E2F5: variants seen among roughly 807,000 people sequenced by gnomAD.
E2F5 encodes the protein E2F transcription factor 5.
A neutral mutation model predicts 39.1 loss-of-function variants in E2F5; 23 were observed. The observed-to-expected ratio is 0.59, with a 90% CI of 0.42 to 0.83. The LOEUF (loss-of-function observed/expected upper bound fraction) is 0.83. Among genes scored for constraint, E2F5 ranks in the 40% least tolerant of loss-of-function variants. E2F5 has a pLI of 0.00. For missense variants in E2F5, 365 were observed against 406.7 expected (o/e 0.90, Z 0.88); for synonymous variants, 145 against 157.8 (o/e 0.92, Z 0.61).
At position 85,209,383 on chromosome 8, in the gene E2F5, A is replaced by G. The variant is rs983244311; in HGVS notation, c.857A>G (p.Gln286Arg). 6.2e-7 allele frequency: 1 copy of G among 1,612,322 alleles called. No homozygotes were observed. The highest frequency in any genetic ancestry group is 1.3e-5 in the African/African-American group (1 of 74,906). ...HVSERSQALQQTSATDISSAG... is the reference protein window; with the variant it reads ...HVSERSQALQRTSATDISSAG... ...TCTGAAAGAAGCCAGGCTCTGCAGC[A>G]GACATCAGCTACAGATATATCTTCA... Residue 286 changes from glutamine (Q) to arginine (R), a missense_variant, in exon 6 of 8, where the codon CAG (glutamine) becomes CGG (arginine). Transcript: ENST00000416274.
At chr8:85,184,279 T>C (rs540376404) in intron 1 of E2F5, among the ~76,000 whole-genome samples, 1 of 152,280 alleles carries the variant, frequency 6.6e-6, no homozygotes. Context: ...CATGATTATC[T>C]CAATAGATGC....
chr8:85,203,600 T>C (rs749087074), intron 3 of E2F5, among the ~76,000 whole-genome samples: 7 of 151,672 alleles, frequency 4.6e-5, no homozygotes, highest in Non-Finnish European at 7.4e-5. Context: ...TATTTTTAAA[T>C]AATTATGTTC....
chr8:85,206,039 T>A, intron 3 of E2F5, 138 bp from the exon 4 acceptor site: 1 of 748,248 alleles, frequency 1.3e-6, no homozygotes, highest in Non-Finnish European at 2.2e-6. Flanking sequence ...TAGACTAGAC[T>A]TCTTTTTTTG....
chr8:85,214,044 T>A lies in E2F5; in HGVS notation c.*182T>A. 1 of 590,992 alleles carries A rather than the reference T, an allele frequency of 1.7e-6. No homozygotes were observed. The highest frequency in any genetic ancestry group is 3.0e-6 in the Non-Finnish European group (1 of 333,948). 36.6% of individuals were successfully genotyped at this position (590,992 alleles called of 1,614,324 possible). A position where few individuals can be genotyped will look rare whatever the true frequency, so the allele number is the denominator to read the frequency against. Reference sequence around the variant, plus strand: ...CAACCATAAAAACAAAGGGCTCTGATTGCTTTAGGGGATAAGTGATTTAAT... The same window carrying A: ...CAACCATAAAAACAAAGGGCTCTGAATGCTTTAGGGGATAAGTGATTTAAT... On this transcript the variant is annotated 3_prime_UTR_variant, in exon 8 of 8. Coordinates refer to ENST00000416274, the MANE Select transcript of E2F5 (RefSeq NM_001951.4).
At chr8:85,208,335 A>G (rs1812841143) in intron 5 of E2F5, among the ~76,000 whole-genome samples, 1 of 152,212 alleles carries the variant, frequency 6.6e-6, no homozygotes, top group Non-Finnish European at 1.5e-5. Flanking sequence ...TATCAAAACA[A>G]CAACAACAAC....
chr8:85,194,319 A>G (rs1812531976), intron 1 of E2F5, among the ~76,000 whole-genome samples: 1 of 152,142 alleles, frequency 6.6e-6, no homozygotes, highest in African/African-American at 2.4e-5. Flanking sequence ...AACTCAAATC[A>G]TAGTTCATAT....
rs1812103161 is a variant in E2F5 at position 85,177,314 on chromosome 8, C to T, written c.-107C>T. 3.3e-6 allele frequency: 3 copies of T among 916,668 alleles called. No individual in the cohort carries two copies. Among genetic ancestry groups the T allele is most frequent in the Non-Finnish European group, 3.9e-6 (3 of 767,238 alleles). The allele number at this position is 916,668 out of a possible 1,614,324, so 56.8% of individuals were successfully genotyped here. A position where few individuals can be genotyped will look rare whatever the true frequency, so the allele number is the denominator to read the frequency against. ...AGCCAGCGACCCGCACTACCGCTCT[C>T]GGCGGGCGGGGAAGCGGCCGCAGCG... is the stretch of plus-strand genomic sequence containing the variant. On this transcript the variant is annotated 5_prime_UTR_variant, in exon 1 of 8. Transcript: ENST00000416274.
chr8:85,192,158 T>C (rs1442409412), intron 1 of E2F5, among the ~76,000 whole-genome samples: 1 of 152,104 alleles, frequency 6.6e-6, no homozygotes, highest in Non-Finnish European at 1.5e-5. Context: ...TCTATGGGAA[T>C]AGGAAAAATT....
At chr8:85,208,996 TCTA>T in intron 5 of E2F5, 143 bp from the exon 6 acceptor site, 2 of 802,534 alleles carry the variant, frequency 2.5e-6, no homozygotes, top group East Asian at 2.7e-5. Flanking sequence ...ACTCTATGTC[TCTA>T]CTTTTGTGTT....
At position 85,200,183 on chromosome 8, in the gene E2F5, G is replaced by A. The variant is rs4150927; in HGVS notation, c.235-1964G>A. 4.7e-3 allele frequency: 1,538 copies of A among 324,022 alleles called. 31 individuals are homozygous for A. The highest frequency in any genetic ancestry group is 0.033 in the African/African-American group (1,471 of 44,588). The allele number at this position is 324,022 out of a possible 1,614,324, so 20.1% of individuals were successfully genotyped here. Reference sequence around the variant, plus strand: ...AATCAGTTGAACCCAGGTGGTGGAGGTTGCAGTGAGCCAAGATCACACCAC... The same window carrying A: ...AATCAGTTGAACCCAGGTGGTGGAGATTGCAGTGAGCCAAGATCACACCAC... On this transcript the variant is annotated intron_variant, in intron 1 of 7. Transcript: ENST00000416274.
Position 85,207,425 on chromosome 8 carries a change from G to A in E2F5, c.551G>A (p.Gly184Asp). The A allele has an allele frequency of 1.3e-6, 2 of 1,555,362 alleles. 1 individual carries two copies. The highest frequency in any genetic ancestry group is 2.4e-5 in the South Asian group (2 of 84,232). ...ACTTTTTATATTTATTTTTGACCAG[G>A]TGATACACTTTTGGCCATTCAGGCA... is the stretch of plus-strand genomic sequence containing the variant. The part of the protein sequence containing the change: ...THEDICNCFN[G>D]DTLLAIQAPS... The change falls in exon 5 of 8, where the codon GGT becomes GAT. Residue 184 changes from glycine (G) to aspartate (D), a missense_variant and splice_region_variant. Coordinates refer to ENST00000416274, the MANE Select transcript of E2F5 (RefSeq NM_001951.4).
chr8:85,182,973 C>T (rs552799142), intron 1 of E2F5, among the ~76,000 whole-genome samples: 6 of 152,238 alleles, frequency 3.9e-5, no homozygotes, highest in East Asian at 3.9e-4. Flanking sequence ...CTAGTTTGGC[C>T]GGGCCCGGTG....
At chr8:85,210,124 CTGAA>C (rs376793455) in intron 6 of E2F5, among the ~76,000 whole-genome samples, 2 of 152,072 alleles carry the variant, frequency 1.3e-5, no homozygotes, top group African/African-American at 4.8e-5. Flanking sequence ...TCAGTGACTA[CTGAA>C]TGAATGAATG....
chr8:85,210,047 A>C (rs1812883203), intron 6 of E2F5, among the ~76,000 whole-genome samples: 1 of 152,254 alleles, frequency 6.6e-6, no homozygotes, highest in Admixed American at 6.5e-5. Context: ...TCAGGAGTAG[A>C]GAGCACAACT....
chr8:85,197,986 T>G (rs1812615964), intron 1 of E2F5, among the ~76,000 whole-genome samples: 1 of 152,320 alleles, frequency 6.6e-6, no homozygotes, highest in Non-Finnish European at 1.5e-5. Context: ...TTTATATGAA[T>G]ATTTTGTACT....
chr8:85,214,258 TG>T lies in E2F5; in HGVS notation c.*397del, dbSNP rs1367803051. On this transcript the variant is annotated 3_prime_UTR_variant, in exon 8 of 8. Transcript: ENST00000416274. ...ACTGCCACTAAACTGCCTGTATTTC[TG>T]TATGTCCTTCTATCCAAACAGACGT... 1.8e-6 allele frequency: 1 copy of T among 559,540 alleles called. No individual in the cohort carries two copies. The highest frequency in any genetic ancestry group is 3.3e-6 in the Non-Finnish European group (1 of 299,114). 34.7% of individuals were successfully genotyped at this position (559,540 alleles called of 1,614,324 possible). A position where few individuals can be genotyped will look rare whatever the true frequency, so the allele number is the denominator to read the frequency against.
intron 1 of E2F5, among the ~76,000 whole-genome samples, chr8:85,193,072 T>TATAC (rs776041010): frequency 3.9e-5 from 6 of 152,254 alleles, no homozygotes; most frequent in Non-Finnish European, 4.4e-5. Context: ...TACATACATG[T>TATAC]ATACATACAT....
intron 3 of E2F5, among the ~76,000 whole-genome samples, chr8:85,204,575 G>C (rs1037141567): frequency 1.1e-4 from 17 of 151,586 alleles, no homozygotes; most frequent in Admixed American, 1.1e-3. Flanking sequence ...AGAGCATTAT[G>C]AGATATACCT....
chr8:85,178,432 A>G (rs1364316289), intron 1 of E2F5, among the ~76,000 whole-genome samples: 1 of 152,192 alleles, frequency 6.6e-6, no homozygotes, highest in Non-Finnish European at 1.5e-5. Flanking sequence ...TTTTTCAAAC[A>G]GGAGCAGGCA....
Sources: allele counts gnomAD v4.1 joint callset (sites outside exome capture counted in the v4.1 genomes callset), GRCh38; gene constraint gnomAD v4.1.1; transcripts MANE v1.5; gene names NCBI Gene and HGNC (gene_info 2026-07-23, HGNC 2026-07-21).